Variants in ZBTB7C observed in about 807,000 individuals in gnomAD.
ZBTB7C encodes the protein zinc finger and BTB domain-containing protein 7C.
A neutral mutation model predicts 25.7 loss-of-function variants in ZBTB7C; 8 were observed. The ratio of observed to expected loss-of-function variants is 0.31; its 90% CI spans 0.18 to 0.56. The LOEUF (loss-of-function observed/expected upper bound fraction) is 0.56, where lower values mean the gene tolerates loss of function less well. ZBTB7C is among the 20% of genes least tolerant of loss of function. The probability of loss-of-function intolerance (pLI) is 0.91; values close to 1 mark genes in which losing one functional copy is unlikely to be tolerated. For synonymous variants in ZBTB7C, 394 were observed against 369.0 expected (o/e 1.07, Z -0.78); for missense variants, 824 against 855.2 (o/e 0.96, Z 0.46).
chr18:48,066,367 G>C (rs1250914777), intron 3 of ZBTB7C, among the ~76,000 whole-genome samples: 1 of 152,210 alleles, frequency 6.6e-6, no homozygotes, highest in Non-Finnish European at 1.5e-5. Flanking sequence ...GCGGAGGTGG[G>C]GGTGATGTGT....
At chr18:48,237,054 G>T (rs895214332) in intron 2 of ZBTB7C, among the ~76,000 whole-genome samples, 1 of 152,110 alleles carries the variant, frequency 6.6e-6, no homozygotes, top group African/African-American at 2.4e-5. Context: ...CTGAGGACGT[G>T]GAAAAACCAC....
At chr18:48,313,428 T>C (rs879402511) in intron 2 of ZBTB7C, among the ~76,000 whole-genome samples, 2 of 152,174 alleles carry the variant, frequency 1.3e-5, no homozygotes, top group Middle Eastern at 3.2e-3. Context: ...TAGATCCGAA[T>C]TGTGGGGGTC....
intron 1 of ZBTB7C, among the ~76,000 whole-genome samples, chr18:48,347,143 T>G (rs2046754828): frequency 6.8e-6 from 1 of 146,536 alleles, no homozygotes; most frequent in Non-Finnish European, 1.5e-5. Context: ...TTTTTTTTTT[T>G]TTTTTGAGAC....
chr18:48,122,546 T>C (rs2039665798), intron 3 of ZBTB7C, among the ~76,000 whole-genome samples: 1 of 152,132 alleles, frequency 6.6e-6, no homozygotes. Flanking sequence ...TGCAGCCAAT[T>C]CTTCTGAGAA....
chr18:48,396,455 C>T (rs1043226201), intron 1 of ZBTB7C, among the ~76,000 whole-genome samples: 1 of 152,176 alleles, frequency 6.6e-6, no homozygotes, highest in Non-Finnish European at 1.5e-5. Flanking sequence ...AGTCCACCAC[C>T]TACTCATACT....
chr18:48,135,810 C>T (rs890926743), intron 3 of ZBTB7C, among the ~76,000 whole-genome samples: 11 of 152,370 alleles, frequency 7.2e-5, no homozygotes, highest in African/African-American at 2.4e-4. Context: ...GTTTCAATCA[C>T]TTCCTTTCTA....
At chr18:48,313,560 G>A (rs1417604488) in intron 2 of ZBTB7C, among the ~76,000 whole-genome samples, 1 of 152,204 alleles carries the variant, frequency 6.6e-6, no homozygotes. Context: ...CATAGGCCTT[G>A]TTAAGAGGTC....
intron 3 of ZBTB7C, among the ~76,000 whole-genome samples, chr18:48,064,944 C>G (rs2037267796): frequency 1.3e-5 from 2 of 152,194 alleles, no homozygotes; most frequent in Admixed American, 1.3e-4. Context: ...TCAGGGTACT[C>G]CTAAGCTCCC....
At chr18:48,041,667 G>A (rs1234631356) in intron 3 of ZBTB7C, 2 of 367,708 alleles carry the variant, frequency 5.4e-6, no homozygotes, top group Non-Finnish European at 7.5e-6. Flanking sequence ...TGGGGGCCTT[G>A]TGGTATGTTT....
intron 3 of ZBTB7C, among the ~76,000 whole-genome samples, chr18:48,049,177 C>T (rs539787998): frequency 6.6e-5 from 10 of 152,180 alleles, no homozygotes; most frequent in Non-Finnish European, 1.5e-4. Flanking sequence ...GACCACAGTG[C>T]CCCCAACTAG....
At position 48,332,070 on chromosome 18, in the gene ZBTB7C, T is replaced by A. The variant is rs187137674; in HGVS notation, c.-79+6104A>T. 2.0e-5 allele frequency among the ~76,000 whole-genome samples: 3 copies of A among 152,326 alleles called. No individual in the cohort carries two copies. In the East Asian group the frequency reaches 5.8e-4, roughly 29 times the overall value. On this transcript the variant is annotated intron_variant, in intron 2 of 4. Transcript: ENST00000590800. ...ACTAATTCCTTAATATTTAACCCAA[T>A]TCTCTCCAATATATCCTTCTACAGT...
At chr18:48,349,434 C>A (rs557913825) in intron 1 of ZBTB7C, among the ~76,000 whole-genome samples, 2 of 152,154 alleles carry the variant, frequency 1.3e-5, no homozygotes, top group South Asian at 4.2e-4. Context: ...TTAGGGAGTC[C>A]CTATAATATG....
intron 1 of ZBTB7C, among the ~76,000 whole-genome samples, chr18:48,371,676 GCA>G (rs889286869): frequency 6.6e-6 from 1 of 152,208 alleles, no homozygotes; most frequent in African/African-American, 2.4e-5. Flanking sequence ...ATTAAAACCA[GCA>G]CAGATATGCA....
At chr18:48,312,022 G>A (rs2045832979) in intron 2 of ZBTB7C, among the ~76,000 whole-genome samples, 1 of 152,182 alleles carries the variant, frequency 6.6e-6, no homozygotes, top group African/African-American at 2.4e-5. Flanking sequence ...CAGAAGGAGG[G>A]TTTCCTCCTC....
chr18:48,255,576 G>A (rs2057940190), intron 2 of ZBTB7C, among the ~76,000 whole-genome samples: 1 of 152,136 alleles, frequency 6.6e-6, no homozygotes, highest in African/African-American at 2.4e-5. Flanking sequence ...TCTAAATAGG[G>A]AAGTTTTAGC....
chr18:48,074,014 CTTTTT>C (rs575904548), intron 3 of ZBTB7C, among the ~76,000 whole-genome samples: 1 of 138,646 alleles, frequency 7.2e-6, no homozygotes, highest in Non-Finnish European at 1.6e-5. Context: ...AGAAAAATTT[CTTTTT>C]TTTTTTTTTT....
At chr18:48,378,215 C>A (rs1010706746) in intron 1 of ZBTB7C, among the ~76,000 whole-genome samples, 2 of 152,076 alleles carry the variant, frequency 1.3e-5, no homozygotes, top group Non-Finnish European at 2.9e-5. Flanking sequence ...TGTCCCTTGC[C>A]CAGACCAGCA....
intron 1 of ZBTB7C, among the ~76,000 whole-genome samples, chr18:48,378,103 A>G (rs557280957): frequency 6.6e-6 from 1 of 152,338 alleles, no homozygotes; most frequent in South Asian, 2.1e-4. Flanking sequence ...GTGAGCCGAG[A>G]TCGCATCCTG....
At chr18:48,195,086 G>GTAC (rs781731819) in intron 2 of ZBTB7C, among the ~76,000 whole-genome samples, 42 of 152,304 alleles carry the variant, frequency 2.8e-4, no homozygotes, top group Middle Eastern at 3.4e-3. Context: ...ATATACTATG[G>GTAC]TAGGGGCCCT....
Sources: gnomAD v4.1 joint callset for allele counts (sites outside exome capture counted in the v4.1 genomes callset) on GRCh38, gnomAD v4.1.1 for gene constraint, MANE v1.5 for transcripts, NCBI Gene and HGNC (gene_info 2026-07-23, HGNC 2026-07-21) for gene names.